The following LRRC4C variants were observed in gnomAD, a reference collection of about 807,000 sequenced individuals.
LRRC4C encodes the protein leucine rich repeat containing 4C.
In LRRC4C, 5 loss-of-function variants were observed where a neutral mutation model predicts 33.6. The ratio of observed to expected loss-of-function variants is 0.15; its 90% CI spans 0.08 to 0.31. The LOEUF is 0.31. Among genes scored for constraint, LRRC4C ranks in the 10% least tolerant of loss-of-function variants. The pLI is 1.00. For synonymous variants in LRRC4C, 329 were observed against 302.0 expected, an observed-to-expected ratio of 1.09 and a Z score of -0.93; for missense variants, 560 against 796.7, an observed-to-expected ratio of 0.70 and a Z score of 3.58.
intron 3 of LRRC4C, among the ~76,000 whole-genome samples, chr11:40,528,431 A>G (rs1018903109): frequency 2.0e-5 from 3 of 152,184 alleles, no homozygotes; most frequent in African/African-American, 7.2e-5. Context: ...AAATGAAAGT[A>G]AAAGCTGCAA....
At chr11:40,360,305 C>T (rs977586306) in intron 3 of LRRC4C, among the ~76,000 whole-genome samples, 1 of 152,032 alleles carries the variant, frequency 6.6e-6, no homozygotes. Context: ...GGCAGAATAT[C>T]AGAGAGGGGC....
intron 2 of LRRC4C, among the ~76,000 whole-genome samples, chr11:40,849,068 A>G (rs1415476422): frequency 6.6e-6 from 1 of 152,216 alleles, no homozygotes; most frequent in Non-Finnish European, 1.5e-5. Flanking sequence ...TCCTGAATAC[A>G]GCACACATAT....
intron 2 of LRRC4C, among the ~76,000 whole-genome samples, chr11:40,786,007 T>A (rs1221950055): frequency 6.6e-6 from 1 of 152,152 alleles, no homozygotes; most frequent in Non-Finnish European, 1.5e-5. Context: ...AAATTATACA[T>A]GAAAATTGGT....
intron 2 of LRRC4C, among the ~76,000 whole-genome samples, chr11:40,913,965 C>G (rs1047916935): frequency 6.6e-6 from 1 of 152,052 alleles, no homozygotes; most frequent in South Asian, 2.1e-4. Context: ...GGATAAATTC[C>G]TCGACATATA....
At chr11:40,383,920 AATT>A (rs143241296) in intron 3 of LRRC4C, among the ~76,000 whole-genome samples, 6,357 of 135,352 alleles carry the variant, frequency 0.047, 448 homozygotes, top group African/African-American at 0.18. Context: ...TTTTAATTCA[AATT>A]ATTATTATTA....
chr11:40,434,510 C>T (rs186495351), intron 3 of LRRC4C, among the ~76,000 whole-genome samples: 2 of 152,324 alleles, frequency 1.3e-5, no homozygotes, highest in Non-Finnish European at 2.9e-5. Flanking sequence ...GTAGAAAGGC[C>T]TGGACAGTCT....
intron 5 of LRRC4C, among the ~76,000 whole-genome samples, chr11:40,241,226 T>A (rs1865904800): frequency 6.6e-6 from 1 of 151,402 alleles, no homozygotes; most frequent in South Asian, 2.1e-4. Flanking sequence ...TATGAAAAAA[T>A]AAAAAGTTAG....
chr11:41,043,377 G>C (rs1857567167), intron 1 of LRRC4C, among the ~76,000 whole-genome samples: 2 of 151,978 alleles, frequency 1.3e-5, no homozygotes, highest in Non-Finnish European at 2.9e-5. Flanking sequence ...TTGTGGCTAA[G>C]GCTACAAATT....
intron 1 of LRRC4C, among the ~76,000 whole-genome samples, chr11:41,038,819 A>C (rs1857248858): frequency 1.3e-5 from 2 of 152,158 alleles, no homozygotes; most frequent in Non-Finnish European, 2.9e-5. Flanking sequence ...GGACATACTA[A>C]CCCCAAATAT....
At chr11:40,317,071 T>G (rs1945610419) in intron 4 of LRRC4C, among the ~76,000 whole-genome samples, 1 of 152,002 alleles carries the variant, frequency 6.6e-6, no homozygotes, top group African/African-American at 2.4e-5. Flanking sequence ...TCTAACCATT[T>G]AATAGTTTAT....
At chr11:40,679,616 GGCTGTT>G (rs1421595960) in intron 2 of LRRC4C, among the ~76,000 whole-genome samples, 2 of 152,134 alleles carry the variant, frequency 1.3e-5, no homozygotes, top group South Asian at 4.1e-4. Context: ...GTACAGCTTG[GGCTGTT>G]GCTTTAGAAG....
intron 3 of LRRC4C, among the ~76,000 whole-genome samples, chr11:40,361,131 C>T (rs1470480932): frequency 6.6e-6 from 1 of 152,148 alleles, no homozygotes; most frequent in Non-Finnish European, 1.5e-5. Context: ...AAACCCATAA[C>T]TAACATCATA....
At chr11:40,677,953 G>A (rs996496405) in intron 2 of LRRC4C, among the ~76,000 whole-genome samples, 13 of 152,008 alleles carry the variant, frequency 8.6e-5, no homozygotes, top group African/African-American at 2.9e-4. Context: ...ATGATAGAAC[G>A]GAGAGTTGGA....
At chr11:40,840,991 A>T (rs761437784) in intron 2 of LRRC4C, among the ~76,000 whole-genome samples, 3 of 152,178 alleles carry the variant, frequency 2.0e-5, no homozygotes, top group Non-Finnish European at 2.9e-5. Context: ...ACAGGAAGAA[A>T]CATTTTTTGT....
chr11:40,279,368 T>C (rs1332674337), intron 4 of LRRC4C, among the ~76,000 whole-genome samples: 1 of 152,148 alleles, frequency 6.6e-6, no homozygotes, highest in Non-Finnish European at 1.5e-5. Context: ...ACTACAGCGC[T>C]ATACAGAAAA....
intron 3 of LRRC4C, among the ~76,000 whole-genome samples, chr11:40,366,948 G>T (rs1479746097): frequency 6.6e-6 from 1 of 152,036 alleles, no homozygotes; most frequent in Non-Finnish European, 1.5e-5. Context: ...AATTTGAGTT[G>T]AGTTAGTACT....
rs966341524 is a variant in LRRC4C, at chr11:40,507,403, T to C, written c.-270+140739A>G. On this transcript the variant is annotated intron_variant, in intron 3 of 6. Coordinates refer to ENST00000528697, the MANE Select transcript of LRRC4C (RefSeq NM_001258419.2). The stretch of plus-strand genomic sequence containing the variant: ...ATATTTTTTTAAATGGTCAACCTTA[T>C]GCTAATTGAAAGCAAATTAAAACTT... Among the ~76,000 whole-genome samples, 3 of 152,142 alleles carry C rather than the reference T, an allele frequency of 2.0e-5. No homozygotes were observed. The East Asian group carries it at 5.8e-4, about 29-fold the overall frequency.
At chr11:41,298,640 CATT>C (rs1950205981) in intron 1 of LRRC4C, among the ~76,000 whole-genome samples, 1 of 152,076 alleles carries the variant, frequency 6.6e-6, no homozygotes, top group Non-Finnish European at 1.5e-5. Context: ...CTTGATTGAT[CATT>C]ATTTTTAACT....
chr11:40,671,873 A>G (rs751675810), intron 2 of LRRC4C, among the ~76,000 whole-genome samples: 1 of 151,966 alleles, frequency 6.6e-6, no homozygotes, highest in Non-Finnish European at 1.5e-5. Context: ...TTCCTATTCT[A>G]GAATGTACAT....
Sources: allele counts gnomAD v4.1 joint callset (sites outside exome capture counted in the v4.1 genomes callset), GRCh38; gene constraint gnomAD v4.1.1; transcripts MANE v1.5; gene names NCBI Gene and HGNC (gene_info 2026-07-23, HGNC 2026-07-21).